The following HS6ST3 variants were observed in gnomAD, a reference collection of about 807,000 sequenced individuals.
The protein encoded by HS6ST3 is heparan sulfate 6-O-sulfotransferase 3.
HS6ST3 carries 12 observed loss-of-function variants against 36.7 expected under a neutral mutation model. The observed-to-expected ratio is 0.33, with a 90% confidence interval of 0.21 to 0.53. The LOEUF is 0.53. HS6ST3 is among the 20% of genes least tolerant of loss of function. The pLI is 0.95. For synonymous variants in HS6ST3, 240 were observed against 257.5 expected, an observed-to-expected ratio of 0.93 and a Z score of 0.65; for missense variants, 584 against 640.9, an observed-to-expected ratio of 0.91 and a Z score of 0.96.
intron 1 of HS6ST3, among the ~76,000 whole-genome samples, chr13:96,417,877 C>G (rs560341020): frequency 6.6e-6 from 1 of 151,792 alleles, no homozygotes; most frequent in Non-Finnish European, 1.5e-5. Context: ...CTGCAAGCCT[C>G]CAGTCACAGT....
At chr13:96,690,020 T>C (rs1275174769) in intron 1 of HS6ST3, among the ~76,000 whole-genome samples, 1 of 152,094 alleles carries the variant, frequency 6.6e-6, no homozygotes, top group Non-Finnish European at 1.5e-5. Context: ...GAAAAAGCTC[T>C]GATAGATGCT....
chr13:96,772,074 G>A (rs766458718), intron 1 of HS6ST3, among the ~76,000 whole-genome samples: 2 of 152,306 alleles, frequency 1.3e-5, no homozygotes, highest in African/African-American at 4.8e-5. Flanking sequence ...ATCTGGGTTT[G>A]TGATGGGGCC....
chr13:96,752,701 T>G (rs1876729385), intron 1 of HS6ST3, among the ~76,000 whole-genome samples: 1 of 152,174 alleles, frequency 6.6e-6, no homozygotes, highest in African/African-American at 2.4e-5. Flanking sequence ...CTAGATACCT[T>G]GTCAGTTACA....
chr13:96,660,408 T>C (rs1251005738), intron 1 of HS6ST3, among the ~76,000 whole-genome samples: 1 of 152,168 alleles, frequency 6.6e-6, no homozygotes, highest in Non-Finnish European at 1.5e-5. Flanking sequence ...AGCCAACATT[T>C]ATTCATACAC....
At chr13:96,124,526 G>A (rs564141274) in intron 1 of HS6ST3, among the ~76,000 whole-genome samples, 1 of 152,334 alleles carries the variant, frequency 6.6e-6, no homozygotes, top group South Asian at 2.1e-4. Context: ...CAGTAATGGA[G>A]TGTGTAAACA....
At chr13:96,423,151 C>G (rs781416852) in intron 1 of HS6ST3, among the ~76,000 whole-genome samples, 4 of 152,138 alleles carry the variant, frequency 2.6e-5, no homozygotes, top group African/African-American at 4.8e-5. Flanking sequence ...AAGCTACAAA[C>G]TCTTTTCTCC....
chr13:96,199,211 A>T (rs2054329551), intron 1 of HS6ST3, among the ~76,000 whole-genome samples: 2 of 152,224 alleles, frequency 1.3e-5, no homozygotes, highest in Non-Finnish European at 2.9e-5. Flanking sequence ...TTGAGATTTG[A>T]GTGGGGACAC....
intron 1 of HS6ST3, among the ~76,000 whole-genome samples, chr13:96,818,024 A>G (rs2138540025): frequency 6.6e-6 from 1 of 152,312 alleles, no homozygotes; most frequent in East Asian, 1.9e-4. Flanking sequence ...AAAGTGGGAT[A>G]GTGTCCCCAT....
rs774713824 is a variant in HS6ST3, at chr13:96,153,459, C to G, written c.707+61890C>G. Among the ~76,000 whole-genome samples the G allele has an allele frequency of 3.3e-5, 5 of 152,120 alleles. No individual in the cohort carries two copies. In the South Asian group the frequency reaches 6.2e-4, roughly 19 times the overall value. On this transcript the variant is annotated intron_variant, in intron 1 of 1. Transcript: ENST00000376705. ...CTTTCCTCTCAGGGTGTCTCTTCCC[C>G]CTCTGAGCCAGGGTTCTTTTATTTA...
At chr13:96,503,188 G>T (rs1156850359) in intron 1 of HS6ST3, among the ~76,000 whole-genome samples, 1 of 151,868 alleles carries the variant, frequency 6.6e-6, no homozygotes, top group African/African-American at 2.4e-5. Flanking sequence ...GAGATAATTT[G>T]GGAAACAGCA....
intron 1 of HS6ST3, among the ~76,000 whole-genome samples, chr13:96,488,725 A>C (rs900716506): frequency 3.3e-5 from 5 of 152,076 alleles, no homozygotes; most frequent in Non-Finnish European, 5.9e-5. Flanking sequence ...CATCTGCATG[A>C]TAGTTTTTCT....
chr13:96,297,977 T>C (rs1421892078), intron 1 of HS6ST3, among the ~76,000 whole-genome samples: 1 of 152,142 alleles, frequency 6.6e-6, no homozygotes, highest in Non-Finnish European at 1.5e-5. Context: ...CTGAACACTT[T>C]ATTAAAAACT....
At chr13:96,351,261 A>G (rs537205762) in intron 1 of HS6ST3, among the ~76,000 whole-genome samples, 1 of 151,950 alleles carries the variant, frequency 6.6e-6, no homozygotes, top group Non-Finnish European at 1.5e-5. Context: ...AGAGGTTATG[A>G]GGTTATAAAA....
chr13:96,641,318 A>C (rs1271075747), intron 1 of HS6ST3, among the ~76,000 whole-genome samples: 1 of 151,758 alleles, frequency 6.6e-6, no homozygotes, highest in Non-Finnish European at 1.5e-5. Context: ...TCTCAGTTTG[A>C]ACTGTATTGC....
intron 1 of HS6ST3, among the ~76,000 whole-genome samples, chr13:96,596,024 G>GT: frequency 6.6e-6 from 1 of 152,096 alleles, no homozygotes; most frequent in South Asian, 2.1e-4. Flanking sequence ...TGAGGTTAGG[G>GT]TTTTTAGTAT....
chr13:96,762,038 A>C (rs142537482), intron 1 of HS6ST3, among the ~76,000 whole-genome samples: 6 of 152,084 alleles, frequency 3.9e-5, no homozygotes, highest in African/African-American at 9.6e-5. Context: ...ACTACATTTA[A>C]GTTATTTTTA....
chr13:96,216,872 C>T (rs889369235), intron 1 of HS6ST3, among the ~76,000 whole-genome samples: 3 of 152,176 alleles, frequency 2.0e-5, no homozygotes, highest in African/African-American at 7.2e-5. Context: ...ATAAAAGGAA[C>T]ACACAAGGGG....
At chr13:96,484,487 C>T (rs1421433912) in intron 1 of HS6ST3, among the ~76,000 whole-genome samples, 1 of 152,114 alleles carries the variant, frequency 6.6e-6, no homozygotes, top group Non-Finnish European at 1.5e-5. Context: ...AACTTTGTAT[C>T]CTTTGACCAA....
At chr13:96,482,107 C>T (rs1368017722) in intron 1 of HS6ST3, among the ~76,000 whole-genome samples, 1 of 152,190 alleles carries the variant, frequency 6.6e-6, no homozygotes, top group Non-Finnish European at 1.5e-5. Context: ...CATGCTTATC[C>T]TCAGGTATGT....
Sources: allele counts gnomAD v4.1 joint callset (sites outside exome capture counted in the v4.1 genomes callset), GRCh38; gene constraint gnomAD v4.1.1; transcripts MANE v1.5; gene names NCBI Gene and HGNC (gene_info 2026-07-23, HGNC 2026-07-21).